YPEL1: variants seen among roughly 807,000 people sequenced by gnomAD.
YPEL1 encodes protein yippee-like 1.
Under a neutral mutation model 17.3 loss-of-function variants are expected in YPEL1, and 7 were observed. That is an observed-to-expected ratio of 0.40 (90% CI 0.23 to 0.76). The LOEUF is 0.76. YPEL1 is among the 30% of genes least tolerant of loss of function. YPEL1 has a pLI of 0.35. For synonymous variants in YPEL1, 59 were observed against 59.6 expected, an observed-to-expected ratio of 0.99 and a Z score of 0.05; for missense variants, 91 against 155.5, an observed-to-expected ratio of 0.59 and a Z score of 2.21.
chr22:21,703,348 A>G lies in YPEL1; in HGVS notation c.270+22T>C, dbSNP rs1227727094. On this transcript the variant is annotated intron_variant, in intron 4 of 4. Coordinates refer to ENST00000339468, the MANE Select transcript of YPEL1 (RefSeq NM_013313.5). The surrounding 1 kb of genome is among the most constrained non-coding windows in gnomAD (Gnocchi z 6.1). ...TAGTGCCACATCCCCTTGTGGCACG[A>G]GCATCCCCTTGTGGCACTCACGTAT... is the stretch of plus-strand genomic sequence containing the variant. 1 of 1,607,338 alleles carries G rather than the reference A, an allele frequency of 6.2e-7. No individual in the cohort carries two copies. The highest frequency in any genetic ancestry group is 1.3e-5 in the African/African-American group (1 of 74,908).
intron 1 of YPEL1, among the ~76,000 whole-genome samples, chr22:21,730,228 T>G (rs544951496): frequency 6.6e-6 from 1 of 152,166 alleles, no homozygotes; most frequent in South Asian, 2.1e-4. Flanking sequence ...ATCAGGGACA[T>G]TTCCATCATG....
chr22:21,725,453 T>C (rs375187653), intron 1 of YPEL1, among the ~76,000 whole-genome samples: 1 of 151,322 alleles, frequency 6.6e-6, no homozygotes, highest in Non-Finnish European at 1.5e-5. Context: ...CTGGTCTCGA[T>C]CTCCTGACCT....
intron 1 of YPEL1, among the ~76,000 whole-genome samples, chr22:21,721,581 G>C (rs2068284484): frequency 6.6e-6 from 1 of 152,126 alleles, no homozygotes; most frequent in Admixed American, 6.6e-5. Flanking sequence ...ACATCACCAT[G>C]ACTGGCTAAT....
At chr22:21,720,681 G>C (rs1405942612) in intron 1 of YPEL1, among the ~76,000 whole-genome samples, 1 of 150,500 alleles carries the variant, frequency 6.6e-6, no homozygotes, top group Non-Finnish European at 1.5e-5. Context: ...GTAGAGATGG[G>C]GCTTCACCAT....
In YPEL1 at chr22:21,703,572, T is replaced by C; in HGVS notation, c.162-94A>G. On this transcript the variant is annotated intron_variant, in intron 3 of 4. Transcript: ENST00000339468. This position sits in a 1 kb window ranked among gnomAD's most constrained non-coding sequence, Gnocchi z 6.1. ...GGGCCCCACCCCATCCTCCTAAGAG[T>C]TCCCCCAAAACAGGGAAACTCCCAG... is the stretch of plus-strand genomic sequence containing the variant. 1 of 1,189,526 alleles carries C rather than the reference T, an allele frequency of 8.4e-7. No individual in the cohort carries two copies. Among genetic ancestry groups the C allele is most frequent in the Non-Finnish European group, 1.2e-6 (1 of 827,416 alleles). 73.7% of individuals were successfully genotyped at this position (1,189,526 alleles called of 1,614,324 possible). A position where few individuals can be genotyped will look rare whatever the true frequency, so the allele number is the denominator to read the frequency against.
intron 1 of YPEL1, among the ~76,000 whole-genome samples, chr22:21,727,163 T>G (rs887946070): frequency 3.3e-5 from 5 of 152,180 alleles, no homozygotes; most frequent in African/African-American, 9.7e-5. Flanking sequence ...ATGCCTCCCG[T>G]GCGCTTCATG....
intron 1 of YPEL1, among the ~76,000 whole-genome samples, chr22:21,730,053 G>A (rs961563084): frequency 6.6e-6 from 1 of 151,968 alleles, no homozygotes; most frequent in Non-Finnish European, 1.5e-5. Context: ...TAGGGAGGCT[G>A]AGGCGGGAGA....
intron 4 of YPEL1, among the ~76,000 whole-genome samples, chr22:21,702,931 G>A (rs905051118): frequency 6.6e-6 from 1 of 152,154 alleles, no homozygotes; most frequent in Non-Finnish European, 1.5e-5. Flanking sequence ...AGAGGGATTT[G>A]GGGTAAAGAG....
intron 4 of YPEL1, among the ~76,000 whole-genome samples, chr22:21,701,445 G>A (rs1436326116): frequency 1.3e-5 from 2 of 152,126 alleles, no homozygotes; most frequent in Non-Finnish European, 1.5e-5. Flanking sequence ...TGCTCGCTTC[G>A]GCAGCGCATA....
chr22:21,710,694 A>G lies in YPEL1; in HGVS notation c.51T>C (p.Cys17=), dbSNP rs762670451. ...SKTFQAYLPN[C]HRTYSCIHCR... The stretch of plus-strand genomic sequence containing the variant: ...AGTGGATACAGCTGTACGTTCGGTG[A>G]CAGTTCGGCAGATACGCTTGGAAAG... The change falls in exon 2 of 5, where the codon TGT becomes TGC. Residue 17 remains cysteine, a synonymous_variant. Coordinates refer to ENST00000339468, the MANE Select transcript of YPEL1 (RefSeq NM_013313.5). 1.1e-5 allele frequency: 17 copies of G among 1,614,126 alleles called. No individual in the cohort carries two copies. The African/African-American group carries it at 2.1e-4, about 20-fold the overall frequency.
At chr22:21,728,075 T>A (rs1045607960) in intron 1 of YPEL1, among the ~76,000 whole-genome samples, 1 of 152,150 alleles carries the variant, frequency 6.6e-6, no homozygotes, top group African/African-American at 2.4e-5. Context: ...AGTGCTCATG[T>A]GGCCCCGCCA....
At chr22:21,721,330 G>C (rs1219662355) in intron 1 of YPEL1, among the ~76,000 whole-genome samples, 1 of 151,702 alleles carries the variant, frequency 6.6e-6, no homozygotes, top group Non-Finnish European at 1.5e-5. Context: ...ATGTTAGCCA[G>C]GATGGTCTAA....
chr22:21,725,487 C>T (rs1429829448), intron 1 of YPEL1, among the ~76,000 whole-genome samples: 4 of 151,898 alleles, frequency 2.6e-5, no homozygotes, highest in Non-Finnish European at 5.9e-5. Context: ...CCTCGGCCTC[C>T]CAAAGTGCTG....
chr22:21,709,801 G>A (rs1037751742), intron 2 of YPEL1, among the ~76,000 whole-genome samples: 1 of 151,734 alleles, frequency 6.6e-6, no homozygotes, highest in Non-Finnish European at 1.5e-5. Flanking sequence ...CTATAAGGAT[G>A]AGTGGAGGTA....
At chr22:21,712,074 C>G (rs1407925441) in intron 1 of YPEL1, among the ~76,000 whole-genome samples, 1 of 152,020 alleles carries the variant, frequency 6.6e-6, no homozygotes, top group African/African-American at 2.4e-5. Context: ...CTTGGGATAG[C>G]TGAGGTGGGA....
chr22:21,703,691 C>T lies in YPEL1; in HGVS notation c.161+148G>A, dbSNP rs753339935. The T allele has an allele frequency of 2.5e-5, 22 of 882,604 alleles. No homozygotes were observed. Among genetic ancestry groups the T allele is most frequent in the East Asian group, 7.9e-5 (3 of 37,764 alleles). 54.7% of individuals were successfully genotyped at this position (882,604 alleles called of 1,614,324 possible). ...ACAGGCTAGGGGGCAAGATCCTTAG[C>T]GCGTTTCAGAAACTCCCGGCGGGGG... On this transcript the variant is annotated intron_variant, in intron 3 of 4. Coordinates refer to ENST00000339468, the MANE Select transcript of YPEL1 (RefSeq NM_013313.5). This position sits in a 1 kb window ranked among gnomAD's most constrained non-coding sequence, Gnocchi z 6.1.
intron 1 of YPEL1, among the ~76,000 whole-genome samples, chr22:21,726,547 C>T (rs2068337452): frequency 6.6e-6 from 1 of 152,166 alleles, no homozygotes; most frequent in African/African-American, 2.4e-5. Context: ...GTCCAGTCCC[C>T]AGGAGGGAGG....
intron 1 of YPEL1, among the ~76,000 whole-genome samples, chr22:21,725,873 C>T (rs1194878833): frequency 1.3e-5 from 2 of 151,834 alleles, no homozygotes; most frequent in Non-Finnish European, 2.9e-5. Flanking sequence ...GTGGCACATG[C>T]CTGTGGTCCC....
intron 1 of YPEL1, among the ~76,000 whole-genome samples, chr22:21,715,362 C>T (rs1188837899): frequency 1.3e-5 from 2 of 151,534 alleles, no homozygotes; most frequent in Non-Finnish European, 2.9e-5. Flanking sequence ...GGCGTGGTGG[C>T]GTGCGCCTGT....
Sources: allele counts gnomAD v4.1 joint callset (sites outside exome capture counted in the v4.1 genomes callset), GRCh38; gene constraint gnomAD v4.1.1; non-coding constraint Gnocchi (gnomAD v3.1); transcripts MANE v1.5; gene names NCBI Gene and HGNC (gene_info 2026-07-23, HGNC 2026-07-21).